Variants in ATG10 observed in about 807,000 individuals in gnomAD.
ATG10 encodes the protein autophagy related 10.
In ATG10, 30 loss-of-function variants were observed where a neutral mutation model predicts 32.1. The ratio of observed to expected loss-of-function variants is 0.94; its 90% CI spans 0.70 to 1.27. The LOEUF (loss-of-function observed/expected upper bound fraction) is 1.27, where lower values mean the gene tolerates loss of function less well. Among genes scored for constraint, ATG10 ranks in the 50% most tolerant of loss-of-function variants. The pLI, the probability that ATG10 is intolerant of heterozygous loss-of-function variation, is 0.00. For missense variants in ATG10, 233 were observed against 262.3 expected (o/e 0.89, Z 0.77); for synonymous variants, 87 against 91.5 (o/e 0.95, Z 0.28).
chr5:82,246,776 G>A (rs1240926786), intron 5 of ATG10, among the ~76,000 whole-genome samples: 3 of 151,916 alleles, frequency 2.0e-5, no homozygotes, highest in African/African-American at 7.2e-5. Flanking sequence ...ATTTTTCCCT[G>A]TAGATTTGAG....
chr5:82,244,410 GTTCTT>G (rs931374656), intron 5 of ATG10, among the ~76,000 whole-genome samples: 1 of 152,100 alleles, frequency 6.6e-6, no homozygotes, highest in Non-Finnish European at 1.5e-5. Flanking sequence ...CTCTAAGCCT[GTTCTT>G]TTAAGTGGCA....
At chr5:82,026,160 C>T (rs1762588891) in intron 2 of ATG10, among the ~76,000 whole-genome samples, 1 of 152,248 alleles carries the variant, frequency 6.6e-6, no homozygotes. Flanking sequence ...TCCTCCAGCC[C>T]CTGGCAACCA....
intron 3 of ATG10, among the ~76,000 whole-genome samples, chr5:82,110,033 C>T (rs1391189284): frequency 4.0e-5 from 6 of 149,948 alleles, no homozygotes; most frequent in South Asian, 2.1e-4. Context: ...CCCACCTATG[C>T]GTGAGAACAT....
Position 82,070,092 on chromosome 5 carries a change from G to A in ATG10, c.216+11490G>A, listed in dbSNP as rs147614807. ...TCAAGCTAACCTCATAGGAGCCTTA[G>A]GATAGAGATTACATGTTTGTCTCAG... is the stretch of plus-strand genomic sequence containing the variant. On this transcript the variant is annotated intron_variant, in intron 3 of 7. Transcript: ENST00000282185. Among the ~76,000 whole-genome samples the A allele has an allele frequency of 3.4e-3, 522 of 152,298 alleles. 8 individuals are homozygous for A. Among genetic ancestry groups the A allele is most frequent in the Admixed American group, 0.03 (455 of 15,286 alleles).
At chr5:82,033,952 G>GTATATA (rs984283771) in intron 2 of ATG10, among the ~76,000 whole-genome samples, 5 of 146,328 alleles carry the variant, frequency 3.4e-5, no homozygotes, top group African/African-American at 5.0e-5. Context: ...CTATGTATAT[G>GTATATA]TATATATACA....
chr5:82,216,931 T>C (rs1745703934), intron 5 of ATG10, among the ~76,000 whole-genome samples: 1 of 151,958 alleles, frequency 6.6e-6, no homozygotes, highest in South Asian at 2.1e-4. Flanking sequence ...GGTGCGTGCC[T>C]GTAGTCCCAG....
At chr5:82,063,044 T>C (rs112536854) in intron 3 of ATG10, among the ~76,000 whole-genome samples, 71 of 152,244 alleles carry the variant, frequency 4.7e-4, no homozygotes, top group African/African-American at 1.5e-3. Flanking sequence ...GATGGCCAGG[T>C]ATGGTGGCTC....
intron 3 of ATG10, among the ~76,000 whole-genome samples, chr5:82,143,087 T>C (rs1581737837): frequency 6.6e-6 from 1 of 151,780 alleles, no homozygotes; most frequent in East Asian, 1.9e-4. Context: ...AGCAATGGAG[T>C]GGTTGTTAGA....
chr5:82,168,342 A>G (rs1049667401), intron 4 of ATG10, among the ~76,000 whole-genome samples: 4 of 152,152 alleles, frequency 2.6e-5, no homozygotes, highest in African/African-American at 4.8e-5. Flanking sequence ...AGATTTCTAT[A>G]TTTATTTCAT....
At chr5:82,156,955 G>T (rs1002675858) in intron 3 of ATG10, among the ~76,000 whole-genome samples, 1 of 152,138 alleles carries the variant, frequency 6.6e-6, no homozygotes, top group Non-Finnish European at 1.5e-5. Flanking sequence ...CCAGCTCCAG[G>T]CACTAGCTGT....
chr5:82,239,927 A>G (rs1746717159), intron 5 of ATG10, among the ~76,000 whole-genome samples: 1 of 152,192 alleles, frequency 6.6e-6, no homozygotes, highest in Admixed American at 6.6e-5. Context: ...ATTGCCCAAC[A>G]TCACTAATCC....
intron 2 of ATG10, among the ~76,000 whole-genome samples, chr5:82,028,918 T>G (rs892807662): frequency 6.6e-6 from 1 of 152,184 alleles, no homozygotes; most frequent in African/African-American, 2.4e-5. Context: ...ATCTTGGAAA[T>G]GTGAGGTTAA....
chr5:82,030,091 C>G (rs11741569), intron 2 of ATG10, among the ~76,000 whole-genome samples: 9,539 of 152,164 alleles, frequency 0.063, 386 homozygotes, highest in Non-Finnish European at 0.09. Flanking sequence ...TTCTTATGGC[C>G]TGAGGCTTCT....
At chr5:82,107,065 ACT>A (rs1373760167) in intron 3 of ATG10, among the ~76,000 whole-genome samples, 2 of 152,000 alleles carry the variant, frequency 1.3e-5, no homozygotes, top group Non-Finnish European at 2.9e-5. Flanking sequence ...ACTCAGAATA[ACT>A]CTGTTTAGGA....
intron 3 of ATG10, among the ~76,000 whole-genome samples, chr5:82,141,976 A>G (rs1219702932): frequency 6.6e-6 from 1 of 152,194 alleles, no homozygotes; most frequent in Non-Finnish European, 1.5e-5. Context: ...CTTAAATTTT[A>G]TAAAATGCAA....
At chr5:82,017,332 C>T (rs952992802) in intron 2 of ATG10, among the ~76,000 whole-genome samples, 5 of 152,012 alleles carry the variant, frequency 3.3e-5, no homozygotes, top group East Asian at 3.9e-4. Flanking sequence ...TTAGGGTATA[C>T]GATAATGTCC....
chr5:81,986,748 A>G (rs1202057244), intron 1 of ATG10, among the ~76,000 whole-genome samples: 1 of 152,164 alleles, frequency 6.6e-6, no homozygotes, highest in Non-Finnish European at 1.5e-5. Context: ...AACGGGAATA[A>G]AAAAACAAAA....
rs1747443252 is a variant in ATG10, at chr5:82,255,906, C to G, written c.*1843C>G. 2 of 152,312 alleles carry G rather than the reference C, an allele frequency of 1.3e-5. No homozygotes were observed. Among genetic ancestry groups the G allele is most frequent in the East Asian group, 3.9e-4 (2 of 5,180 alleles). The allele number at this position is 152,312 out of a possible 1,614,324, so 9.4% of individuals were successfully genotyped here. ...GTAGAGAAAGGGTTAATTCAAACTG[C>G]TAGAAAAGCTAAAAGTAAATTTTAA... On this transcript the variant is annotated 3_prime_UTR_variant, in exon 8 of 8. Transcript: ENST00000282185.
At chr5:82,114,361 A>G (rs1324955726) in intron 3 of ATG10, among the ~76,000 whole-genome samples, 1 of 151,976 alleles carries the variant, frequency 6.6e-6, no homozygotes, top group Admixed American at 6.6e-5. Context: ...ACATGTTTCC[A>G]ATGACACTGT....
Sources: allele counts gnomAD v4.1 joint callset (sites outside exome capture counted in the v4.1 genomes callset), GRCh38; gene constraint gnomAD v4.1.1; transcripts MANE v1.5; gene names NCBI Gene and HGNC (gene_info 2026-07-23, HGNC 2026-07-21).